Variants in MORC1 observed in about 807,000 individuals in gnomAD.
MORC1 encodes MORC family CW-type zinc finger 1.
In MORC1, 59 loss-of-function variants were observed where a neutral mutation model predicts 134.9. The ratio of observed to expected loss-of-function variants is 0.44; its 90% CI spans 0.35 to 0.54. MORC1 has a LOEUF of 0.54. MORC1 is among the 20% of genes least tolerant of loss of function. The pLI is 0.00. For missense variants in MORC1, 947 were observed against 1,134.5 expected (o/e 0.83, Z 2.37); for synonymous variants, 395 against 391.7 (o/e 1.01, Z -0.10).
At chr3:108,967,564 T>C (rs895756835) in intron 26 of MORC1, among the ~76,000 whole-genome samples, 6 of 152,226 alleles carry the variant, frequency 3.9e-5, no homozygotes, top group African/African-American at 1.4e-4. Context: ...TGTCTCATGA[T>C]GTAATGTCAG....
chr3:109,058,605 T>C (rs1315437136), intron 12 of MORC1, among the ~76,000 whole-genome samples: 1 of 152,058 alleles, frequency 6.6e-6, no homozygotes, highest in Non-Finnish European at 1.5e-5. Flanking sequence ...ATATAGAACA[T>C]AAGACATGAG....
At chr3:108,963,340 T>C in intron 27 of MORC1, 74 bp downstream of exon 27, 1 of 1,236,042 alleles carries the variant, frequency 8.1e-7, no homozygotes, top group South Asian at 1.3e-5. Flanking sequence ...TGAATGACAA[T>C]GTTAGGAGAA....
At chr3:109,039,907 T>G (rs922163504) in intron 14 of MORC1, among the ~76,000 whole-genome samples, 4 of 152,064 alleles carry the variant, frequency 2.6e-5, no homozygotes, top group African/African-American at 9.7e-5. Context: ...CTCCTTTCAT[T>G]TATCTCCTTT....
At chr3:109,038,693 G>A (rs1020891278) in intron 14 of MORC1, among the ~76,000 whole-genome samples, 2 of 152,104 alleles carry the variant, frequency 1.3e-5, no homozygotes, top group Admixed American at 6.5e-5. Context: ...ATTAAATAGG[G>A]AATCCTTTCC....
At chr3:109,041,267 C>A (rs987443610) in intron 14 of MORC1, among the ~76,000 whole-genome samples, 1 of 150,622 alleles carries the variant, frequency 6.6e-6, no homozygotes, top group African/African-American at 2.4e-5. Context: ...GCCGAGATCG[C>A]GCCACTGCAC....
At chr3:109,021,369 ACTC>A (rs1249312620) in intron 17 of MORC1, among the ~76,000 whole-genome samples, 1 of 151,952 alleles carries the variant, frequency 6.6e-6, no homozygotes, top group East Asian at 1.9e-4. Flanking sequence ...CTGAACCTCT[ACTC>A]CTCTCTCCAT....
intron 16 of MORC1, among the ~76,000 whole-genome samples, chr3:109,029,470 GC>G (rs1949182838): frequency 6.6e-6 from 1 of 152,200 alleles, no homozygotes; most frequent in African/African-American, 2.4e-5. Context: ...ACTTTAATAT[GC>G]AATACAATCC....
rs1420100363 is a variant in MORC1, at chr3:109,099,486, C to A, written c.315-20G>T. 12 of 1,572,668 alleles carry A rather than the reference C, an allele frequency of 7.6e-6. No individual in the cohort carries two copies. The highest frequency in any genetic ancestry group is 1.0e-5 in the Non-Finnish European group (12 of 1,153,744). ...GACCCACTATATTAAAAATGAAGAA[C>A]ATCATGTTTTACACCTCAAATACTA... On this transcript the variant is annotated intron_variant, in intron 5 of 27. Transcript: ENST00000232603.
In MORC1 at chr3:109,059,735, C is replaced by G. The variant is rs543415574; in HGVS notation, c.1031+71G>C. ...TTGTCACAATAACCACTAAATCTGC[C>G]TACTTAGAAACCAGAATTTGTTTTA... is the stretch of plus-strand genomic sequence containing the variant. On this transcript the variant is annotated intron_variant, in intron 12 of 27. Coordinates refer to ENST00000232603, the MANE Select transcript of MORC1 (RefSeq NM_014429.4). 4 of 1,367,356 alleles carry G rather than the reference C, an allele frequency of 2.9e-6. No homozygotes were observed. In the South Asian group the frequency reaches 5.4e-5, roughly 18 times the overall value. The allele number at this position is 1,367,356 out of a possible 1,614,324, so 84.7% of individuals were successfully genotyped here. A position where few individuals can be genotyped will look rare whatever the true frequency, so the allele number is the denominator to read the frequency against.
At chr3:109,067,346 T>C (rs1313702843) in intron 9 of MORC1, among the ~76,000 whole-genome samples, 1 of 152,190 alleles carries the variant, frequency 6.6e-6, no homozygotes, top group African/African-American at 2.4e-5. Flanking sequence ...TTAAGAGACC[T>C]GAGAAATCAC....
chr3:109,049,466 G>C (rs140572084), intron 14 of MORC1, among the ~76,000 whole-genome samples: 1 of 152,066 alleles, frequency 6.6e-6, no homozygotes, highest in South Asian at 2.1e-4. Flanking sequence ...TTTACATGAA[G>C]TCATAGAGAA....
At position 108,990,792 on chromosome 3, in the gene MORC1, A is replaced by G. The variant is rs532747264; in HGVS notation, c.2188-3843T>C. On this transcript the variant is annotated intron_variant, in intron 21 of 27. Transcript: ENST00000232603. ...AAAGAAAGTAAAAAAAAATCAAGTC[A>G]TGAAAATACATGTGTGCTGCTGACA... is the stretch of plus-strand genomic sequence containing the variant. Among the ~76,000 whole-genome samples the G allele has an allele frequency of 1.2e-3, 185 of 152,208 alleles. 2 individuals are homozygous for G. The highest frequency in any genetic ancestry group is 2.3e-3 in the Non-Finnish European group (156 of 68,002).
At chr3:109,106,855 G>C (rs1390515300) in intron 3 of MORC1, among the ~76,000 whole-genome samples, 1 of 152,134 alleles carries the variant, frequency 6.6e-6, no homozygotes, top group Non-Finnish European at 1.5e-5. Context: ...CATCAGTCGT[G>C]CATTTCACTG....
chr3:108,969,869 G>T, intron 25 of MORC1, 147 bp from the exon 26 acceptor site: 1 of 627,622 alleles, frequency 1.6e-6, no homozygotes, highest in Non-Finnish European at 2.7e-6. Context: ...TTTAAGTCTG[G>T]GTCTAATTAA....
chr3:108,991,780 C>T (rs1203284065), intron 21 of MORC1, among the ~76,000 whole-genome samples: 1 of 152,200 alleles, frequency 6.6e-6, no homozygotes, highest in African/African-American at 2.4e-5. Context: ...TCTTTGACCA[C>T]TTGGTCAGAT....
At chr3:109,043,907 A>AT (rs1949620506) in intron 14 of MORC1, among the ~76,000 whole-genome samples, 1 of 152,230 alleles carries the variant, frequency 6.6e-6, no homozygotes, top group South Asian at 2.1e-4. Flanking sequence ...AGCCATGCAG[A>AT]TAACCCCAAA....
At chr3:109,083,497 G>A (rs112362249) in intron 8 of MORC1, among the ~76,000 whole-genome samples, 6 of 152,078 alleles carry the variant, frequency 3.9e-5, no homozygotes, top group Admixed American at 3.3e-4. Flanking sequence ...AGTGCTGGGC[G>A]CAGTGGCTCA....
chr3:109,053,389 A>T (rs1576683379), intron 14 of MORC1, among the ~76,000 whole-genome samples: 2 of 152,316 alleles, frequency 1.3e-5, no homozygotes, highest in African/African-American at 4.8e-5. Flanking sequence ...GTCCAACAAC[A>T]GTGGACTGGA....
At chr3:108,966,203 AAAGTCTTTCCG>A (rs1377237279) in intron 26 of MORC1, among the ~76,000 whole-genome samples, 1 of 152,244 alleles carries the variant, frequency 6.6e-6, no homozygotes, top group East Asian at 1.9e-4. Flanking sequence ...ATCAAAAACC[AAAGTCTTTCCG>A]AACTACATTA....
Sources: gnomAD v4.1 joint callset for allele counts (sites outside exome capture counted in the v4.1 genomes callset) on GRCh38, gnomAD v4.1.1 for gene constraint, MANE v1.5 for transcripts, NCBI Gene and HGNC (gene_info 2026-07-23, HGNC 2026-07-21) for gene names.